The following R3HDM1 variants were observed in gnomAD, a reference collection of about 807,000 sequenced individuals.
R3HDM1 encodes the protein R3H domain containing 1.
A neutral mutation model predicts 141.1 loss-of-function variants in R3HDM1; 46 were observed. That is an observed-to-expected ratio of 0.33 (90% CI 0.26 to 0.42). R3HDM1 has a LOEUF of 0.42. R3HDM1 is among the 10% of genes least tolerant of loss of function. The probability of loss-of-function intolerance (pLI) is 1.00; values close to 1 mark genes in which losing one functional copy is unlikely to be tolerated. For missense variants in R3HDM1, 1,184 were observed against 1,368.3 expected, an observed-to-expected ratio of 0.87 and a Z score of 2.12; for synonymous variants, 435 against 472.9, an observed-to-expected ratio of 0.92 and a Z score of 1.04.
chr2:135,668,732 C>T (rs796579057), intron 19 of R3HDM1, among the ~76,000 whole-genome samples: 1 of 152,172 alleles, frequency 6.6e-6, no homozygotes, highest in African/African-American at 2.4e-5. Context: ...CAAAATGTGT[C>T]CAGGTTAAAG....
intron 3 of R3HDM1, among the ~76,000 whole-genome samples, chr2:135,608,657 T>C (rs1016093750): frequency 6.6e-6 from 1 of 152,218 alleles, no homozygotes; most frequent in Non-Finnish European, 1.5e-5. Flanking sequence ...CTACCAGATA[T>C]TTCATCTTCC....
At chr2:135,633,926 T>G (rs1274235219) in intron 9 of R3HDM1, 1 of 152,200 alleles carries the variant, frequency 6.6e-6, no homozygotes, top group African/African-American at 2.4e-5. Context: ...GGTTAAACCT[T>G]ATAGTTCACT....
rs60593262 is a variant in R3HDM1 at position 135,654,863 on chromosome 2, AGTGTGTGT to A, written c.2028+2864_2028+2871del. 3.5e-3 allele frequency among the ~76,000 whole-genome samples: 480 copies of A among 136,702 alleles called. 3 individuals carry two copies. Among genetic ancestry groups the A allele is most frequent in the African/African-American group, 7.9e-3 (292 of 36,804 alleles). 89.7% of individuals were successfully genotyped at this position (136,702 alleles called of 152,430 possible). On this transcript the variant is annotated intron_variant, in intron 18 of 26. Coordinates refer to ENST00000683871, the MANE Select transcript of R3HDM1 (RefSeq NM_001378107.1). Reference sequence around the variant, plus strand: ...TTTTTTGGAGTATGTGTGTATATAAAGTGTGTGTGTGTGTGTGTGTGTGTGTGTGTGTG... The same window carrying A: ...TTTTTTGGAGTATGTGTGTATATAAAGTGTGTGTGTGTGTGTGTGTGTGTG...
intron 17 of R3HDM1, chr2:135,650,444 T>A (rs1016582788): frequency 4.1e-6 from 4 of 982,274 alleles, no homozygotes; most frequent in Middle Eastern, 5.2e-4. Context: ...CTAAGTATAT[T>A]TTCTAAGAAG....
chr2:135,559,972 T>C (rs116956068), intron 1 of R3HDM1, among the ~76,000 whole-genome samples: 1 of 152,238 alleles, frequency 6.6e-6, no homozygotes, highest in Non-Finnish European at 1.5e-5. Context: ...CATGTATAAT[T>C]CAGTTCGCAT....
intron 21 of R3HDM1, among the ~76,000 whole-genome samples, chr2:135,698,594 G>T (rs1288839382): frequency 6.6e-6 from 1 of 151,968 alleles, no homozygotes; most frequent in Non-Finnish European, 1.5e-5. Context: ...GTCTGTTCTC[G>T]CATTGCTATA....
intron 1 of R3HDM1, among the ~76,000 whole-genome samples, chr2:135,598,239 A>C (rs774141811): frequency 2.8e-4 from 43 of 152,164 alleles, no homozygotes; most frequent in Non-Finnish European, 5.3e-4. Context: ...ACTCATCATC[A>C]CAGGCGATAG....
intron 5 of R3HDM1, among the ~76,000 whole-genome samples, chr2:135,618,463 A>AATTT (rs1301257504): frequency 4.2e-4 from 52 of 124,110 alleles, no homozygotes; most frequent in African/African-American, 1.5e-3. Context: ...CGCCCGGCTG[A>AATTT]TTTTTTTTTT....
chr2:135,668,304 A>G (rs1258723329), intron 19 of R3HDM1, among the ~76,000 whole-genome samples: 6 of 152,232 alleles, frequency 3.9e-5, no homozygotes, highest in Admixed American at 3.9e-4. Flanking sequence ...CTGCATTAGA[A>G]AAAGACCAAT....
At position 135,555,190 on chromosome 2, in the gene R3HDM1, C is replaced by A. The variant is rs199844712; in HGVS notation, c.-250+23557C>A. 1.8e-4 allele frequency among the ~76,000 whole-genome samples: 27 copies of A among 151,520 alleles called. 1 individual carries two copies. In the East Asian group the frequency reaches 5.2e-3, roughly 29 times the overall value. On this transcript the variant is annotated intron_variant, in intron 1 of 26. Transcript: ENST00000683871. Reference sequence around the variant, plus strand: ...TGGTGCGTGCCTGTAGTCCTAGCTACTCGGGAGGCTGAGGCAGAATTGCTT... The same window carrying A: ...TGGTGCGTGCCTGTAGTCCTAGCTAATCGGGAGGCTGAGGCAGAATTGCTT...
At position 135,711,632 on chromosome 2, in the gene R3HDM1, C is replaced by G. The variant is rs1339754262; in HGVS notation, c.2736+1401C>G. 2.0e-5 allele frequency among the ~76,000 whole-genome samples: 3 copies of G among 149,298 alleles called. No individual in the cohort carries two copies. In the Admixed American group the frequency reaches 2.0e-4, roughly 10 times the overall value. ...CTATGATCATGCCACTGCGCTGCCCCCTAGCAACAGAGGGAGACCCCAACT... is the reference window on the plus strand; with the variant it reads ...CTATGATCATGCCACTGCGCTGCCCGCTAGCAACAGAGGGAGACCCCAACT... On this transcript the variant is annotated intron_variant, in intron 23 of 26. Coordinates refer to ENST00000683871, the MANE Select transcript of R3HDM1 (RefSeq NM_001378107.1).
chr2:135,723,268 C>T (rs1032056723), intron 26 of R3HDM1, among the ~76,000 whole-genome samples: 1 of 151,676 alleles, frequency 6.6e-6, no homozygotes, highest in East Asian at 2.0e-4. Context: ...ATTACAGTCG[C>T]CCACCAGCAC....
chr2:135,698,780 G>T (rs1249312602), intron 21 of R3HDM1, among the ~76,000 whole-genome samples: 1 of 152,086 alleles, frequency 6.6e-6, no homozygotes, highest in East Asian at 1.9e-4. Flanking sequence ...AGGAAGAGAA[G>T]AGTGGGGGGA....
At chr2:135,604,446 T>G (rs1489194150) in intron 2 of R3HDM1, among the ~76,000 whole-genome samples, 1 of 152,180 alleles carries the variant, frequency 6.6e-6, no homozygotes. Context: ...TCCATATTCT[T>G]TTTTTAAATG....
chr2:135,685,268 C>T (rs369622398), intron 21 of R3HDM1, among the ~76,000 whole-genome samples: 3 of 152,100 alleles, frequency 2.0e-5, no homozygotes, highest in African/African-American at 7.2e-5. Flanking sequence ...CTAGTTAACC[C>T]GTGTTTCTCT....
In R3HDM1 at chr2:135,692,292, C is replaced by T. The variant is rs149275504; in HGVS notation, c.2459+11968C>T. Among the ~76,000 whole-genome samples, 6 of 151,800 alleles carry T rather than the reference C, an allele frequency of 4.0e-5. No homozygotes were observed. In the East Asian group the frequency reaches 7.8e-4, roughly 20 times the overall value. ...TTTATGAATCTTTTATTCTGCAATT[C>T]GCTTGTCTTATTAAACATTATGCTT... On this transcript the variant is annotated intron_variant, in intron 21 of 26. Transcript: ENST00000683871.
chr2:135,639,444 C>A (rs985252231), intron 14 of R3HDM1, among the ~76,000 whole-genome samples: 1 of 152,000 alleles, frequency 6.6e-6, no homozygotes, highest in Admixed American at 6.6e-5. Context: ...ATTACTTATT[C>A]GTAGTTGGTA....
In R3HDM1 at chr2:135,722,559, T is replaced by C; in HGVS notation, c.3049+6T>C. On this transcript the variant is annotated splice_donor_region_variant and intron_variant, in intron 26 of 26. Transcript: ENST00000683871. ...CCTTGGAGCAGGAGAAACAGGTATGTCTCTGAGGGGCAACTAGATGTGGGT... is the reference window on the plus strand; with the variant it reads ...CCTTGGAGCAGGAGAAACAGGTATGCCTCTGAGGGGCAACTAGATGTGGGT... The C allele has an allele frequency of 1.2e-6, 2 of 1,611,160 alleles. No homozygotes were observed. Among genetic ancestry groups the C allele is most frequent in the Non-Finnish European group, 1.7e-6 (2 of 1,179,044 alleles).
chr2:135,531,829 C>T (rs892741185), intron 1 of R3HDM1, 196 bp downstream of exon 1: 7 of 985,318 alleles, frequency 7.1e-6, no homozygotes, highest in Non-Finnish European at 8.4e-6. Context: ...TGCTGCCAGC[C>T]CGCCGTTAGG....
Sources: gnomAD v4.1 joint callset for allele counts (sites outside exome capture counted in the v4.1 genomes callset) on GRCh38, gnomAD v4.1.1 for gene constraint, MANE v1.5 for transcripts, NCBI Gene and HGNC (gene_info 2026-07-23, HGNC 2026-07-21) for gene names.